The following FHIT variants were observed in gnomAD, a reference collection of about 807,000 sequenced individuals.
The protein encoded by FHIT is bis(5'-adenosyl)-triphosphatase.
FHIT carries 19 observed loss-of-function variants against 17.9 expected under a neutral mutation model. That is an observed-to-expected ratio of 1.06 (90% confidence interval 0.74 to 1.56). FHIT has a LOEUF of 1.56. Among genes scored for constraint, FHIT ranks in the 40% most tolerant of loss-of-function variants. The pLI is 0.00. For missense variants in FHIT, 248 were observed against 189.2 expected (o/e 1.31, Z -1.82); for synonymous variants, 81 against 69.7 (o/e 1.16, Z -0.81).
intron 2 of FHIT, among the ~76,000 whole-genome samples, chr3:61,133,763 A>G (rs768929930): frequency 1.4e-4 from 22 of 152,298 alleles, no homozygotes; most frequent in Non-Finnish European, 2.1e-4. Context: ...GAGAGCCAGG[A>G]GAACAACCAT....
intron 1 of FHIT, among the ~76,000 whole-genome samples, chr3:61,247,631 A>G (rs1455803196): frequency 6.6e-6 from 1 of 152,228 alleles, no homozygotes; most frequent in Non-Finnish European, 1.5e-5. Context: ...GTTGTGAGGA[A>G]CTTCATATTT....
At chr3:60,565,926 C>T (rs1484811219) in intron 4 of FHIT, among the ~76,000 whole-genome samples, 1 of 152,156 alleles carries the variant, frequency 6.6e-6, no homozygotes. Flanking sequence ...CTACACACTG[C>T]TTTGAATGTG....
chr3:60,495,989 T>C (rs1052089641), intron 5 of FHIT, among the ~76,000 whole-genome samples: 1 of 152,068 alleles, frequency 6.6e-6, no homozygotes, highest in Non-Finnish European at 1.5e-5. Flanking sequence ...TTATATCACA[T>C]ATAAAAGATA....
At chr3:60,551,176 T>C (rs560341296) in intron 4 of FHIT, among the ~76,000 whole-genome samples, 1 of 151,464 alleles carries the variant, frequency 6.6e-6, no homozygotes, top group African/African-American at 2.4e-5. Flanking sequence ...AAGGCAGAGG[T>C]GAGGAGATGG....
chr3:60,335,678 A>G (rs1467908883), intron 5 of FHIT, among the ~76,000 whole-genome samples: 1 of 152,210 alleles, frequency 6.6e-6, no homozygotes, highest in African/African-American at 2.4e-5. Flanking sequence ...ACACACACAC[A>G]AAAAAGTAAC....
At chr3:60,992,898 A>G (rs2030366331) in intron 3 of FHIT, among the ~76,000 whole-genome samples, 1 of 152,224 alleles carries the variant, frequency 6.6e-6, no homozygotes, top group Non-Finnish European at 1.5e-5. Flanking sequence ...GCATTTCAAT[A>G]AAGGAAATTC....
At chr3:61,199,157 T>G (rs539270657) in intron 2 of FHIT, among the ~76,000 whole-genome samples, 1 of 152,314 alleles carries the variant, frequency 6.6e-6, no homozygotes, top group South Asian at 2.1e-4. Flanking sequence ...ACTAAACCCA[T>G]GTCTGATTCC....
chr3:60,520,648 C>CAA (rs113011443), intron 5 of FHIT, among the ~76,000 whole-genome samples: 25 of 149,156 alleles, frequency 1.7e-4, no homozygotes, highest in African/African-American at 5.9e-4. Flanking sequence ...GCTTCACTTT[C>CAA]AAAAAAAAAA....
At chr3:61,150,990 T>TA (rs995836103) in intron 2 of FHIT, among the ~76,000 whole-genome samples, 14 of 152,174 alleles carry the variant, frequency 9.2e-5, no homozygotes, top group African/African-American at 2.6e-4. Flanking sequence ...TACATACCTT[T>TA]AAAAAAAATC....
At chr3:59,976,905 T>A in intron 7 of FHIT, among the ~76,000 whole-genome samples, 1 of 151,962 alleles carries the variant, frequency 6.6e-6, no homozygotes, top group South Asian at 2.1e-4. Context: ...ATCTCCAAGG[T>A]TATTTTGGAA....
At chr3:60,957,931 T>A (rs2107485137) in intron 3 of FHIT, among the ~76,000 whole-genome samples, 1 of 152,390 alleles carries the variant, frequency 6.6e-6, no homozygotes, top group Middle Eastern at 3.4e-3. Flanking sequence ...ATAAATACAT[T>A]CTGTAGTCAG....
At chr3:61,002,437 C>T (rs2031157712) in intron 3 of FHIT, among the ~76,000 whole-genome samples, 1 of 152,000 alleles carries the variant, frequency 6.6e-6, no homozygotes. Flanking sequence ...CAGTCTTTTA[C>T]TTTTTGTAGA....
chr3:60,472,496 G>A (rs2033139393), intron 5 of FHIT, among the ~76,000 whole-genome samples: 1 of 151,562 alleles, frequency 6.6e-6, no homozygotes, highest in African/African-American at 2.4e-5. Context: ...AGCCTACCGA[G>A]TAGCTGGGAC....
At chr3:61,003,328 T>C (rs2031225537) in intron 3 of FHIT, among the ~76,000 whole-genome samples, 1 of 152,220 alleles carries the variant, frequency 6.6e-6, no homozygotes, top group Non-Finnish European at 1.5e-5. Context: ...AAGAAATTTA[T>C]CCTAATTTAA....
chr3:61,096,058 G>A (rs1315127017), intron 2 of FHIT, among the ~76,000 whole-genome samples: 1 of 152,194 alleles, frequency 6.6e-6, no homozygotes, highest in Non-Finnish European at 1.5e-5. Flanking sequence ...AATCAGAGGT[G>A]CCCTTTTTGC....
At chr3:60,915,053 G>GT (rs1272817154) in intron 3 of FHIT, among the ~76,000 whole-genome samples, 102 of 152,206 alleles carry the variant, frequency 6.7e-4, no homozygotes, top group African/African-American at 2.4e-3. Context: ...CCGAACACTT[G>GT]TTTTTTTACA....
At chr3:60,301,575 C>T (rs932879355) in intron 5 of FHIT, among the ~76,000 whole-genome samples, 1 of 152,148 alleles carries the variant, frequency 6.6e-6, no homozygotes, top group Non-Finnish European at 1.5e-5. Flanking sequence ...CCTTCTCCTA[C>T]CCTTCTCCAG....
chr3:60,568,170 C>T (rs556531715), intron 4 of FHIT, among the ~76,000 whole-genome samples: 56 of 152,168 alleles, frequency 3.7e-4, no homozygotes, highest in African/African-American at 1.1e-3. Context: ...ATGTTTATTG[C>T]GGCACTACTC....
At chr3:60,524,592 A>G (rs2035503710) in intron 5 of FHIT, among the ~76,000 whole-genome samples, 1 of 152,316 alleles carries the variant, frequency 6.6e-6, no homozygotes, top group East Asian at 1.9e-4. Context: ...TGAAAACAAT[A>G]GCCATTGATG....
Sources: gnomAD v4.1 joint callset for allele counts (sites outside exome capture counted in the v4.1 genomes callset) on GRCh38, gnomAD v4.1.1 for gene constraint, MANE v1.5 for transcripts, NCBI Gene and HGNC (gene_info 2026-07-23, HGNC 2026-07-21) for gene names.